PKHD1: variants seen among roughly 807,000 people sequenced by gnomAD.
The protein encoded by PKHD1 is fibrocystin.
A neutral mutation model predicts 412.0 loss-of-function variants in PKHD1; 291 were observed. That is an observed-to-expected ratio of 0.71 (90% CI 0.64 to 0.78). PKHD1 has a LOEUF of 0.78. Among genes scored for constraint, PKHD1 ranks in the 30% least tolerant of loss-of-function variants. The pLI, the probability that PKHD1 is intolerant of heterozygous loss-of-function variation, is 0.00. For synonymous variants in PKHD1, 1,777 were observed against 1,821.5 expected (o/e 0.98, Z 0.62); for missense variants, 4,825 against 4,950.7 (o/e 0.97, Z 0.76).
In PKHD1 at chr6:51,748,534, T is replaced by G. The variant is rs539460783; in HGVS notation, c.9082A>C (p.Ile3028Leu). 6 of 1,613,860 alleles carry G rather than the reference T, an allele frequency of 3.7e-6. No individual in the cohort carries two copies. In the East Asian group the frequency reaches 1.3e-4, roughly 36 times the overall value. ...ACTCCATGACTGGCAGCTGCATGAA[T>G]GCCCCCGCCACAGCTCTGGTGCAGA... is the stretch of plus-strand genomic sequence containing the variant. ...STLHQSCGGG[I>L]HAAASHGVLL... Residue 3028 changes from isoleucine (I) to leucine (L), a missense_variant, in exon 58 of 67, where the codon ATT becomes CTT. Transcript: ENST00000371117.
At chr6:52,043,241 C>T in intron 26 of PKHD1, 107 bp from the exon 27 acceptor site, 1 of 879,072 alleles carries the variant, frequency 1.1e-6, no homozygotes, top group Non-Finnish European at 1.7e-6. Context: ...CTGCCCCCAT[C>T]CCCTCCCAAA....
intron 35 of PKHD1, among the ~76,000 whole-genome samples, chr6:51,991,221 T>C (rs1216819045): frequency 6.6e-6 from 1 of 152,132 alleles, no homozygotes; most frequent in Non-Finnish European, 1.5e-5. Context: ...TTAGACCTTA[T>C]AAACATAAAC....
chr6:52,008,193 T>A (rs1428432626), intron 35 of PKHD1, among the ~76,000 whole-genome samples: 1 of 152,182 alleles, frequency 6.6e-6, no homozygotes, highest in Non-Finnish European at 1.5e-5. Flanking sequence ...CCACAATGAC[T>A]ATAGCCACAT....
chr6:51,895,817 G>A lies in PKHD1; in HGVS notation c.6996+7780C>T, dbSNP rs139208304. On this transcript the variant is annotated intron_variant, in intron 43 of 66. Coordinates refer to ENST00000371117, the MANE Select transcript of PKHD1 (RefSeq NM_138694.4). Reference sequence around the variant, plus strand: ...GCAGGTCAGTGGGTGCGCCCACCGTGCACAAGCCGAAGCAGGGTGAGGCAT... The same window carrying A: ...GCAGGTCAGTGGGTGCGCCCACCGTACACAAGCCGAAGCAGGGTGAGGCAT... Among the ~76,000 whole-genome samples, 37 of 152,170 alleles carry A rather than the reference G, an allele frequency of 2.4e-4. No individual in the cohort carries two copies. In the East Asian group the frequency reaches 7.0e-3, roughly 29 times the overall value.
At chr6:51,901,419 A>T (rs1429705946) in intron 43 of PKHD1, among the ~76,000 whole-genome samples, 1 of 151,352 alleles carries the variant, frequency 6.6e-6, no homozygotes, top group Non-Finnish European at 1.5e-5. Flanking sequence ...CTATCGCAAG[A>T]ACAAAAAACC....
At position 52,026,026 on chromosome 6, in the gene PKHD1, C is replaced by G. The variant is rs773551693; in HGVS notation, c.3784G>C (p.Ala1262Pro). The G allele has an allele frequency of 1.2e-6, 2 of 1,614,034 alleles. No homozygotes were observed. The highest frequency in any genetic ancestry group is 2.2e-5 in the South Asian group (2 of 91,072). Residue 1262 changes from alanine to proline, a missense_variant, in exon 32 of 67, where the codon GCT (alanine) becomes CCT (proline). By Grantham distance (27) the Ala-to-Pro change is conservative (BLOSUM62 -1). Coordinates refer to ENST00000371117, the MANE Select transcript of PKHD1 (RefSeq NM_138694.4). ...TCCACGGCAGCTGGAACAGTGGGAG[C>G]GCCCGCATCGGGTATCTGGGGGGCT... is the stretch of plus-strand genomic sequence containing the variant. ...LPAPQIPDAG[A>P]PTVPAAVEVW...
chr6:51,941,597 A>C (rs9395749), intron 36 of PKHD1, among the ~76,000 whole-genome samples: 105,039 of 150,876 alleles, frequency 0.7, 37,802 homozygotes, highest in East Asian at 0.94. Flanking sequence ...TTACAATTCC[A>C]CCATTTTACC....
At chr6:51,966,294 C>A (rs914416089) in intron 35 of PKHD1, among the ~76,000 whole-genome samples, 1 of 152,112 alleles carries the variant, frequency 6.6e-6, no homozygotes, top group Non-Finnish European at 1.5e-5. Context: ...CAACTTGAAG[C>A]AGGGAGGGGG....
rs183944855 is a variant in PKHD1, at chr6:51,769,899, T to G, written c.8642+2803A>C. Among the ~76,000 whole-genome samples the G allele has an allele frequency of 9.6e-4, 146 of 151,806 alleles. 1 individual carries two copies. Among genetic ancestry groups the G allele is most frequent in the African/African-American group, 3.5e-3 (145 of 41,554 alleles). Reference sequence around the variant, plus strand: ...TTGATATTTTCTTGGATATAAAAGTTATTTAGAAGATAATTTATTATACCT... The same window carrying G: ...TTGATATTTTCTTGGATATAAAAGTGATTTAGAAGATAATTTATTATACCT... On this transcript the variant is annotated intron_variant, in intron 55 of 66. Transcript: ENST00000371117.
chr6:52,006,124 C>T (rs1799011349), intron 35 of PKHD1, among the ~76,000 whole-genome samples: 1 of 151,460 alleles, frequency 6.6e-6, no homozygotes, highest in Admixed American at 6.6e-5. Flanking sequence ...CTGATCTTAT[C>T]AATCTTCCCA....
At chr6:51,641,571 C>G (rs918302386) in intron 63 of PKHD1, among the ~76,000 whole-genome samples, 1 of 152,114 alleles carries the variant, frequency 6.6e-6, no homozygotes. Context: ...ATAAATCATG[C>G]TACTATAAAG....
chr6:51,938,351 G>T (rs1270054), intron 36 of PKHD1, among the ~76,000 whole-genome samples: 102,126 of 151,220 alleles, frequency 0.68, 35,118 homozygotes, highest in East Asian at 0.91. Flanking sequence ...TATTTAAATG[G>T]CCTGTTCCTG....
chr6:51,934,656 A>G (rs1435011230), intron 36 of PKHD1, among the ~76,000 whole-genome samples: 1 of 14,360 alleles, frequency 7.0e-5, no homozygotes, highest in Non-Finnish European at 1.2e-4. Context: ...AAAATTAAGA[A>G]AAAAAAAAAC....
intron 65 of PKHD1, among the ~76,000 whole-genome samples, chr6:51,628,813 T>C (rs1334003037): frequency 1.3e-5 from 2 of 152,156 alleles, no homozygotes; most frequent in Admixed American, 6.6e-5. Flanking sequence ...GACTTCAAAC[T>C]ATACTACAAA....
chr6:51,874,724 T>C (rs528235608), intron 46 of PKHD1, among the ~76,000 whole-genome samples: 64 of 151,250 alleles, frequency 4.2e-4, no homozygotes, highest in Admixed American at 1.3e-3. Flanking sequence ...GTCAGGAGAT[T>C]GAGACCATCC....
chr6:52,073,528 A>C lies in PKHD1; in HGVS notation c.462T>G (p.His154Gln), dbSNP rs779580027. ...TTCCAGTGATAATCCAGCCATATAC[A>C]TGTATTAGTTTTCCTGTTTGAAGAA... Reference protein sequence around the residue: ...PPSGVPGKLIHVYGWIITGRL... With the variant: ...PPSGVPGKLIQVYGWIITGRL... Residue 154 changes from histidine (H) to glutamine (Q), a missense_variant, in exon 7 of 67, where the codon CAT becomes CAG. Physicochemically the swap from His to Gln is conservative, Grantham distance 24. Transcript: ENST00000371117. The C allele has an allele frequency of 6.3e-7, 1 of 1,597,834 alleles. No homozygotes were observed. The highest frequency in any genetic ancestry group is 1.1e-5 in the South Asian group (1 of 90,726).
At chr6:51,665,365 G>A (rs1287683672) in intron 60 of PKHD1, among the ~76,000 whole-genome samples, 1 of 152,070 alleles carries the variant, frequency 6.6e-6, no homozygotes, top group Non-Finnish European at 1.5e-5. Flanking sequence ...TAGCCACTGA[G>A]GGGAAAAATG....
chr6:51,739,972 C>A lies in PKHD1; in HGVS notation c.10156+4413G>T, dbSNP rs765371925. 2.0e-4 allele frequency: 105 copies of A among 518,694 alleles called. 1 individual carries two copies. The highest frequency in any genetic ancestry group is 2.3e-4 in the Non-Finnish European group (61 of 259,744). 32.1% of individuals were successfully genotyped at this position (518,694 alleles called of 1,614,324 possible). ...GAGCCAGAATGGAAAGCTTTGGTAT[C>A]TGCCTAATTCTACCTGAATGGGACA... is the stretch of plus-strand genomic sequence containing the variant. On this transcript the variant is annotated intron_variant, in intron 60 of 66. Transcript: ENST00000371117.
intron 55 of PKHD1, among the ~76,000 whole-genome samples, chr6:51,764,630 C>T (rs1788663557): frequency 1.3e-5 from 2 of 151,782 alleles, no homozygotes; most frequent in Admixed American, 6.6e-5. Flanking sequence ...TTTATTGCGG[C>T]ATTATTCACA....
Sources: gnomAD v4.1 joint callset for allele counts (sites outside exome capture counted in the v4.1 genomes callset) on GRCh38, gnomAD v4.1.1 for gene constraint, MANE v1.5 for transcripts, NCBI Gene and HGNC (gene_info 2026-07-23, HGNC 2026-07-21) for gene names.